Variants in CDCA5 observed in about 807,000 individuals in gnomAD.
CDCA5 encodes the protein sororin.
CDCA5 carries 14 observed loss-of-function variants against 25.7 expected under a neutral mutation model. The ratio of observed to expected loss-of-function variants is 0.54; its 90% CI spans 0.36 to 0.85. The LOEUF (loss-of-function observed/expected upper bound fraction) is 0.85. Among genes scored for constraint, CDCA5 ranks in the 40% least tolerant of loss-of-function variants. CDCA5 has a pLI of 0.01. For missense variants in CDCA5, 307 were observed against 324.5 expected (o/e 0.95, Z 0.41); for synonymous variants, 127 against 128.7 (o/e 0.99, Z 0.09).
chr11:65,071,619 GTGT>G (rs1947345127), intron 1 of CDCA5, among the ~76,000 whole-genome samples: 1 of 152,162 alleles, frequency 6.6e-6, no homozygotes, highest in Non-Finnish European at 1.5e-5. Context: ...TTTAAAAATT[GTGT>G]TGTTTATCTA....
downstream of CDCA5, among the ~76,000 whole-genome samples, chr11:65,076,742 TG>T (rs537382273): frequency 1.4e-3 from 216 of 152,294 alleles, no homozygotes; most frequent in Non-Finnish European, 2.7e-3. Context: ...TCAGCATCTT[TG>T]ATCAGCTCCC....
chr11:65,083,711 G>A lies in CDCA5; in HGVS notation c.59C>T (p.Pro20Leu). ...CCTCCGCAGAGGCTTAGTAGGAGAT[G>A]GGGCCCTTGGCCCTGGAAAGAGAAA... ...GAAQRSGPRA[P>L]SPTKPLRRSQ... is the part of the protein sequence containing the mutation. The change falls in exon 2 of 6, where the codon CCA becomes CTA. Residue 20 changes from proline to leucine, a missense_variant. Transcript: ENST00000275517. 6.2e-7 allele frequency: 1 copy of A among 1,613,656 alleles called. No individual in the cohort carries two copies. Among genetic ancestry groups the A allele is most frequent in the Non-Finnish European group, 8.5e-7 (1 of 1,179,846 alleles).
At chr11:65,067,662 A>C (rs1206907125) in exon 4 of CDCA5, 3 of 1,289,632 alleles carry the variant, frequency 2.3e-6, no homozygotes, top group Non-Finnish European at 3.0e-6. Context: ...CACCTCATGC[A>C]GTCATTCTGC....
intron 5 of CDCA5, chr11:65,066,737 G>A: frequency 7.8e-7 from 1 of 1,286,772 alleles, no homozygotes; most frequent in Non-Finnish European, 1.0e-6. Flanking sequence ...ACAACCCGAA[G>A]CCCCTCTAGG....
chr11:65,082,287 A>G (rs1425781891), intron 4 of CDCA5, among the ~76,000 whole-genome samples: 1 of 152,144 alleles, frequency 6.6e-6, no homozygotes, highest in Non-Finnish European at 1.5e-5. Flanking sequence ...TGCCCAAGCC[A>G]TGAGTGTGGC....
At chr11:65,067,883 G>A (rs1947269858) in intron 3 of CDCA5, 1 of 845,694 alleles carries the variant, frequency 1.2e-6, no homozygotes, top group Non-Finnish European at 1.7e-6. Flanking sequence ...CTCTGCACGG[G>A]CCAGGACTGA....
chr11:65,068,738 C>G (rs1947288841), intron 1 of CDCA5: 2 of 353,434 alleles, frequency 5.7e-6, no homozygotes, highest in Non-Finnish European at 1.1e-5. Context: ...AGCCAGACCC[C>G]CTCAAAGTGA....
chr11:65,061,341 G>C (rs1947183030), downstream of CDCA5, among the ~76,000 whole-genome samples: 1 of 152,154 alleles, frequency 6.6e-6, no homozygotes, highest in African/African-American at 2.4e-5. Context: ...GGCCCCTGCT[G>C]GAATCTTGAC....
At position 65,077,978 on chromosome 11, in the gene CDCA5, C is replaced by T; in HGVS notation, c.*1129G>A. ...GCCTTCAAATCCACACTATTGAATC[C>T]ACACGATGGAAAGAAGAGAAAGATG... On this transcript the variant is annotated 3_prime_UTR_variant, in exon 6 of 6. Coordinates refer to ENST00000275517, the MANE Select transcript of CDCA5 (RefSeq NM_080668.4). The T allele has an allele frequency of 3.0e-6, 3 of 985,422 alleles. No individual in the cohort carries two copies. Among genetic ancestry groups the T allele is most frequent in the Non-Finnish European group, 3.6e-6 (3 of 829,970 alleles). The allele number at this position is 985,422 out of a possible 1,614,324, so 61.0% of individuals were successfully genotyped here.
At chr11:65,081,617 T>G (rs1947568507) in intron 4 of CDCA5, among the ~76,000 whole-genome samples, 1 of 152,088 alleles carries the variant, frequency 6.6e-6, no homozygotes, top group Non-Finnish European at 1.5e-5. Context: ...TCAAGGTGCC[T>G]GTGTTCTTAG....
At chr11:65,066,455 C>T in exon 7 of CDCA5, 4 of 1,283,372 alleles carry the variant, frequency 3.1e-6, no homozygotes, top group Non-Finnish European at 4.1e-6. Context: ...GGAGACCTGC[C>T]TTCCGGGGGT....
At chr11:65,072,935 A>ATTTTTTTTT (rs1242662667), downstream of CDCA5, among the ~76,000 whole-genome samples, 2 of 127,156 alleles carry the variant, frequency 1.6e-5, no homozygotes, top group African/African-American at 6.1e-5. Flanking sequence ...GTATTATTTC[A>ATTTTTTTTT]TTCTTTTTTT....
At chr11:65,067,991 A>ACTCT (rs149675910) in intron 3 of CDCA5, 260 of 1,131,024 alleles carry the variant, frequency 2.3e-4, no homozygotes, top group African/African-American at 3.0e-4. Flanking sequence ...CTGCATGGGC[A>ACTCT]CTCTCTCTCT....
downstream of CDCA5, among the ~76,000 whole-genome samples, chr11:65,076,680 T>C (rs1036405986): frequency 6.6e-6 from 1 of 152,196 alleles, no homozygotes; most frequent in African/African-American, 2.4e-5. Flanking sequence ...CTGTGCCACC[T>C]GCCTGTAGGG....
intron 4 of CDCA5, among the ~76,000 whole-genome samples, chr11:65,067,153 T>A (rs1947254641): frequency 6.6e-6 from 1 of 152,254 alleles, no homozygotes; most frequent in African/African-American, 2.4e-5. Flanking sequence ...GTGGGTGGGC[T>A]AGAAACCCTC....
At chr11:65,074,721 G>A (rs1300753070), downstream of CDCA5, among the ~76,000 whole-genome samples, 16 of 135,374 alleles carry the variant, frequency 1.2e-4, no homozygotes, top group African/African-American at 3.9e-4. Context: ...CCTGGGCGAC[G>A]GAGCCAGACC....
At position 65,070,821 on chromosome 11, in the gene CDCA5, G is replaced by T. The variant is rs185069399; in HGVS notation, c.64-2220C>A. Among the ~76,000 whole-genome samples the T allele has an allele frequency of 1.3e-4, 20 of 152,184 alleles. No homozygotes were observed. The East Asian group carries it at 3.9e-3, about 29-fold the overall frequency. ...TCTTCTCCAAAATGCCTATCTAGAA[G>T]TGTTTTGGATTTCAGATTTCTTAGG... On this transcript the variant is annotated intron_variant, in intron 1 of 6. Transcript: ENST00000525464.
intron 4 of CDCA5, among the ~76,000 whole-genome samples, chr11:65,081,241 A>G (rs1590799871): frequency 6.6e-6 from 1 of 152,296 alleles, no homozygotes; most frequent in South Asian, 2.1e-4. Flanking sequence ...CCTGGCCAAC[A>G]TAGTGAAACC....
rs2137076079 is a variant in CDCA5, at chr11:65,070,241, C to G, written c.64-1640G>C. On this transcript the variant is annotated intron_variant, in intron 1 of 6. Transcript: ENST00000525464. ...AGAGGGTGAGTGGAAGGCGTAGACA[C>G]TGGGGCCAGGATGCCAAGGGCCCTG... Among the ~76,000 whole-genome samples, 4 of 152,320 alleles carry G rather than the reference C, an allele frequency of 2.6e-5. No homozygotes were observed. The South Asian group carries it at 8.3e-4, about 32-fold the overall frequency.
Sources: allele counts gnomAD v4.1 joint callset (sites outside exome capture counted in the v4.1 genomes callset), GRCh38; gene constraint gnomAD v4.1.1; transcripts MANE v1.5; gene names NCBI Gene and HGNC (gene_info 2026-07-23, HGNC 2026-07-21).